Variants in PUM2 observed in about 807,000 individuals in gnomAD.
PUM2 encodes pumilio homolog 2.
A neutral mutation model predicts 124.5 loss-of-function variants in PUM2; 57 were observed. That is an observed-to-expected ratio of 0.46 (90% confidence interval 0.37 to 0.57). The LOEUF (loss-of-function observed/expected upper bound fraction) is 0.57. PUM2 is among the 20% of genes least tolerant of loss of function. The pLI, the probability that PUM2 is intolerant of heterozygous loss-of-function variation, is 0.00. For missense variants in PUM2, 1,065 were observed against 1,290.6 expected, an observed-to-expected ratio of 0.83 and a Z score of 2.68; for synonymous variants, 460 against 446.1, an observed-to-expected ratio of 1.03 and a Z score of -0.39.
At chr2:20,280,409 A>G (rs1320989965) in intron 12 of PUM2, among the ~76,000 whole-genome samples, 1 of 152,176 alleles carries the variant, frequency 6.6e-6, no homozygotes, top group African/African-American at 2.4e-5. Flanking sequence ...TGGTTTTGGT[A>G]AAACTGGCAA....
intron 2 of PUM2, 45 bp downstream of exon 2, chr2:20,327,265 C>A: frequency 7.5e-7 from 1 of 1,325,022 alleles, no homozygotes; most frequent in African/African-American, 1.5e-5. Flanking sequence ...TACAATGGCT[C>A]AAAATAAAGT....
At position 20,310,696 on chromosome 2, in the gene PUM2, C is replaced by T. The variant is rs569243832; in HGVS notation, c.518+798G>A. ...AGGCAATAAATGTAAAAGTATACCA[C>T]CCACCATATACCTAATACTTTTTTA... On this transcript the variant is annotated intron_variant, in intron 5 of 20. Coordinates refer to ENST00000361078, the MANE Select transcript of PUM2 (RefSeq NM_015317.5). 2.2e-4 allele frequency among the ~76,000 whole-genome samples: 33 copies of T among 151,854 alleles called. 1 individual carries two copies. The South Asian group carries it at 6.9e-3, about 32-fold the overall frequency.
intron 1 of PUM2, among the ~76,000 whole-genome samples, chr2:20,336,681 T>TGGTGTG (rs1686101213): frequency 7.6e-6 from 1 of 131,486 alleles, no homozygotes; most frequent in Non-Finnish European, 1.6e-5. Context: ...CCTGGCTAAT[T>TGGTGTG]TGTGTGTGTG....
In PUM2 at chr2:20,312,434, G is replaced by GA. The variant is rs1191364693; in HGVS notation, c.161-12dup. 3 of 1,602,984 alleles carry GA rather than the reference G, an allele frequency of 1.9e-6. No individual in the cohort carries two copies. Among genetic ancestry groups the GA allele is most frequent in the Admixed American group, 1.7e-5 (1 of 58,200 alleles). On this transcript the variant is annotated splice_polypyrimidine_tract_variant and intron_variant, in intron 3 of 20. Coordinates refer to ENST00000361078, the MANE Select transcript of PUM2 (RefSeq NM_015317.5). ...GGGACATTGAATGGTCTGTTTGGAAGAAAAAACACAATTATATACTTATAC... is the reference window on the plus strand; with the variant it reads ...GGGACATTGAATGGTCTGTTTGGAAGAAAAAAACACAATTATATACTTATAC...
At chr2:20,293,338 TA>T (rs1240698228) in intron 9 of PUM2, among the ~76,000 whole-genome samples, 1 of 152,226 alleles carries the variant, frequency 6.6e-6, no homozygotes, top group Non-Finnish European at 1.5e-5. Context: ...GATTACAAAA[TA>T]ATTTATTAAA....
At position 20,279,147 on chromosome 2, in the gene PUM2, C is replaced by T. The variant is rs147294336; in HGVS notation, c.1721-328G>A. ...GAATTGCAAGTTGTCTGCATTAGGA[C>T]ATGCTAGAGATTAAATTCCATTAAG... is the stretch of plus-strand genomic sequence containing the variant. On this transcript the variant is annotated intron_variant, in intron 12 of 20. Coordinates refer to ENST00000361078, the MANE Select transcript of PUM2 (RefSeq NM_015317.5). 5.0e-3 allele frequency among the ~76,000 whole-genome samples: 763 copies of T among 152,238 alleles called. 6 individuals carry two copies. Among genetic ancestry groups the T allele is most frequent in the African/African-American group, 0.018 (737 of 41,548 alleles).
chr2:20,272,334 G>A (rs943381078), intron 13 of PUM2, among the ~76,000 whole-genome samples: 3 of 152,254 alleles, frequency 2.0e-5, no homozygotes, highest in Admixed American at 6.5e-5. Flanking sequence ...AGAATAAAGC[G>A]TGTTTGTGTG....
At chr2:20,296,953 C>T (rs1675753586) in intron 8 of PUM2, among the ~76,000 whole-genome samples, 1 of 151,998 alleles carries the variant, frequency 6.6e-6, no homozygotes, top group Non-Finnish European at 1.5e-5. Context: ...CTTCGGCATC[C>T]CAAAGAGCTA....
chr2:20,253,323 A>G (rs1309137174), intron 20 of PUM2, among the ~76,000 whole-genome samples: 1 of 152,250 alleles, frequency 6.6e-6, no homozygotes, highest in East Asian at 1.9e-4. Context: ...CTCCCATCTC[A>G]GCTGCCTGAG....
chr2:20,306,745 T>A (rs374458089), intron 7 of PUM2, among the ~76,000 whole-genome samples: 1 of 151,608 alleles, frequency 6.6e-6, no homozygotes, highest in South Asian at 2.1e-4. Context: ...GTAGACGGGA[T>A]TACAGACCCC....
intron 1 of PUM2, chr2:20,331,602 C>A (rs1684919419): frequency 2.6e-5 from 3 of 116,500 alleles, no homozygotes; most frequent in East Asian, 2.2e-4. Flanking sequence ...CTGTTAAAAC[C>A]AGTATCGAAA....
rs532658366 is a variant in PUM2, at chr2:20,291,983, A to G, written c.1153-1193T>C. 1.7e-3 allele frequency among the ~76,000 whole-genome samples: 251 copies of G among 151,382 alleles called. 2 individuals carry two copies. Among genetic ancestry groups the G allele is most frequent in the African/African-American group, 5.8e-3 (239 of 41,156 alleles). ...TGACTTCTTTCTCCAGTGGCATCCAAAGTCCTTTAGTTGGTGTGTGAGCCA... is the reference window on the plus strand; with the variant it reads ...TGACTTCTTTCTCCAGTGGCATCCAGAGTCCTTTAGTTGGTGTGTGAGCCA... On this transcript the variant is annotated intron_variant, in intron 9 of 20. Transcript: ENST00000361078.
chr2:20,294,391 C>G lies in PUM2; in HGVS notation c.1137G>C (p.Gln379His). The change falls in exon 9 of 21, where the codon CAG becomes CAC. Residue 379 changes from glutamine to histidine, a missense_variant. By Grantham distance (24) the Gln-to-His change is conservative (BLOSUM62 0). Transcript: ENST00000361078. ...GAAGGCCTACCTGTTGCTGTCCAGG[C>G]TGAGCTTGTGATGCTGCTTGCTGAC... is the stretch of plus-strand genomic sequence containing the variant. ...TASQQAASQA[Q>H]PGQQQVLRAG... 1 of 1,614,044 alleles carries G rather than the reference C, an allele frequency of 6.2e-7. No homozygotes were observed. The highest frequency in any genetic ancestry group is 2.2e-5 in the East Asian group (1 of 44,884).
chr2:20,271,822 A>G (rs1669077283), intron 13 of PUM2, among the ~76,000 whole-genome samples: 2 of 152,236 alleles, frequency 1.3e-5, no homozygotes, highest in Non-Finnish European at 2.9e-5. Context: ...TGTGAAACAT[A>G]GGAAACATGG....
chr2:20,294,860 C>A (rs892696628), intron 8 of PUM2, among the ~76,000 whole-genome samples: 1 of 152,170 alleles, frequency 6.6e-6, no homozygotes, highest in African/African-American at 2.4e-5. Flanking sequence ...TTTAAATGCT[C>A]ATTCATCGTT....
At chr2:20,328,663 G>A (rs974899680) in intron 1 of PUM2, among the ~76,000 whole-genome samples, 18 of 151,762 alleles carry the variant, frequency 1.2e-4, no homozygotes, top group South Asian at 4.1e-4. Flanking sequence ...TGCTAAAACT[G>A]AAAAAAATAT....
Position 20,251,418 on chromosome 2 carries a change from T to A in PUM2, c.*167A>T. 1 of 785,700 alleles carries A rather than the reference T, an allele frequency of 1.3e-6. No individual in the cohort carries two copies. Among genetic ancestry groups the A allele is most frequent in the Non-Finnish European group, 1.9e-6 (1 of 527,336 alleles). The allele number at this position is 785,700 out of a possible 1,614,324, so 48.7% of individuals were successfully genotyped here. On this transcript the variant is annotated 3_prime_UTR_variant, in exon 21 of 21. Coordinates refer to ENST00000361078, the MANE Select transcript of PUM2 (RefSeq NM_015317.5). ...TATAATTCATCCCCCACCCCCCAAATATACACAAGAACCTTAAAAAATTTA... is the reference window on the plus strand; with the variant it reads ...TATAATTCATCCCCCACCCCCCAAAAATACACAAGAACCTTAAAAAATTTA...
chr2:20,287,958 T>C (rs1005660722), intron 10 of PUM2, among the ~76,000 whole-genome samples: 1 of 152,216 alleles, frequency 6.6e-6, no homozygotes, highest in African/African-American at 2.4e-5. Context: ...AAATGTCTGG[T>C]ATAAGGACAG....
chr2:20,310,852 T>C (rs1339471813), intron 5 of PUM2, among the ~76,000 whole-genome samples: 2 of 151,954 alleles, frequency 1.3e-5, no homozygotes, highest in Non-Finnish European at 2.9e-5. Flanking sequence ...TAGATAAATA[T>C]ATACTGTCTA....
Sources: allele counts gnomAD v4.1 joint callset (sites outside exome capture counted in the v4.1 genomes callset), GRCh38; gene constraint gnomAD v4.1.1; transcripts MANE v1.5; gene names NCBI Gene and HGNC (gene_info 2026-07-23, HGNC 2026-07-21).